MGST1: variants seen among roughly 807,000 people sequenced by gnomAD.
The protein encoded by MGST1 is microsomal glutathione S-transferase 1, also known as glutathione S-transferase 12.
MGST1 carries 5 observed loss-of-function variants against 8.9 expected under a neutral mutation model. The ratio of observed to expected loss-of-function variants is 0.56; its 90% CI spans 0.29 to 1.19. MGST1 has a LOEUF of 1.19. MGST1 is among the 50% of genes most tolerant of loss of function. The pLI is 0.08. For missense variants in MGST1, 182 were observed against 187.4 expected (o/e 0.97, Z 0.17); for synonymous variants, 54 against 67.8 (o/e 0.80, Z 1.00).
At chr12:16,412,639 C>T (rs1391807265) in intron 1 of MGST1, among the ~76,000 whole-genome samples, 2 of 151,978 alleles carry the variant, frequency 1.3e-5, no homozygotes, top group Non-Finnish European at 2.9e-5. Flanking sequence ...TGAGTTTTTT[C>T]CATGCTGTTC....
At chr12:16,542,678 A>C (rs945891584) in intron 4 of MGST1, among the ~76,000 whole-genome samples, 26 of 151,916 alleles carry the variant, frequency 1.7e-4, no homozygotes, top group Middle Eastern at 6.8e-3. Context: ...TAGATGCTTA[A>C]CTCTTTCTTT....
At chr12:16,446,171 T>G (rs1941078238) in intron 4 of MGST1, among the ~76,000 whole-genome samples, 1 of 151,940 alleles carries the variant, frequency 6.6e-6, no homozygotes, top group Non-Finnish European at 1.5e-5. Flanking sequence ...AATATCACTA[T>G]CGAATTAGTG....
At chr12:16,479,375 C>T (rs1164518606) in intron 4 of MGST1, among the ~76,000 whole-genome samples, 1 of 150,700 alleles carries the variant, frequency 6.6e-6, no homozygotes, top group South Asian at 2.1e-4. Context: ...GCTGGGACTA[C>T]AGGTGCCCGC....
At chr12:16,472,439 T>G (rs1246685264) in intron 4 of MGST1, among the ~76,000 whole-genome samples, 2 of 151,966 alleles carry the variant, frequency 1.3e-5, no homozygotes. Flanking sequence ...TTCTGTTTTT[T>G]TTTTTTTTTT....
intron 1 of MGST1, among the ~76,000 whole-genome samples, chr12:16,388,168 A>G (rs1324892687): frequency 6.6e-6 from 1 of 151,936 alleles, no homozygotes; most frequent in Non-Finnish European, 1.5e-5. Flanking sequence ...AACTGCAATT[A>G]CTTTTGCACC....
intron 1 of MGST1, among the ~76,000 whole-genome samples, chr12:16,421,085 C>G (rs1406822902): frequency 1.3e-5 from 2 of 152,092 alleles, no homozygotes; most frequent in African/African-American, 4.8e-5. Flanking sequence ...CTCTTTTGAT[C>G]TAGATTACTT....
At chr12:16,487,274 A>G (rs1314187179) in intron 4 of MGST1, among the ~76,000 whole-genome samples, 1 of 152,256 alleles carries the variant, frequency 6.6e-6, no homozygotes, top group Non-Finnish European at 1.5e-5. Flanking sequence ...TGCAAAACAA[A>G]CAAAAAACCA....
intron 4 of MGST1, among the ~76,000 whole-genome samples, chr12:16,533,886 G>A (rs562539902): frequency 9.2e-5 from 14 of 152,214 alleles, no homozygotes; most frequent in African/African-American, 2.2e-4. Context: ...AATGTTTGCC[G>A]GGAAGAGAAA....
At chr12:16,409,665 A>G (rs188619436) in intron 1 of MGST1, among the ~76,000 whole-genome samples, 72 of 152,286 alleles carry the variant, frequency 4.7e-4, no homozygotes, top group Admixed American at 2.4e-3. Flanking sequence ...CCTTTGCAGA[A>G]CAATATCCTG....
At chr12:16,551,201 T>G (rs1941977820) in intron 4 of MGST1, 1 of 1,416,132 alleles carries the variant, frequency 7.1e-7, no homozygotes, top group Admixed American at 1.7e-5. Flanking sequence ...TTTGTATTCT[T>G]AATGGGGTGA....
chr12:16,433,234 C>T (rs1389534782), intron 1 of MGST1, among the ~76,000 whole-genome samples: 1 of 152,044 alleles, frequency 6.6e-6, no homozygotes, highest in African/African-American at 2.4e-5. Context: ...GCTTTCTATT[C>T]TGGTTGTGCT....
chr12:16,565,983 CATATATATATATATATAT>C (rs61358392), intron 4 of MGST1, among the ~76,000 whole-genome samples: 581 of 43,822 alleles, frequency 0.013, 9 homozygotes, highest in Middle Eastern at 0.022. Flanking sequence ...GAAAATGTGC[CATATATATATATATATAT>C]ATATATATAT....
At chr12:16,395,961 A>G (rs535235155) in intron 1 of MGST1, among the ~76,000 whole-genome samples, 1 of 152,078 alleles carries the variant, frequency 6.6e-6, no homozygotes, top group South Asian at 2.1e-4. Flanking sequence ...TCCTCTGCGT[A>G]GACACCCAGT....
downstream of MGST1, chr12:16,377,224 C>T (rs1217285874): frequency 1.3e-5 from 2 of 151,476 alleles, no homozygotes; most frequent in African/African-American, 2.4e-5. Context: ...TATACATGTG[C>T]CATGTTGGTG....
intron 4 of MGST1, among the ~76,000 whole-genome samples, chr12:16,565,451 T>C (rs1469588052): frequency 6.6e-6 from 1 of 152,204 alleles, no homozygotes; most frequent in Non-Finnish European, 1.5e-5. Flanking sequence ...AGTTAGCCCA[T>C]TACAGGCTGT....
At chr12:16,516,617 A>G (rs1941617258) in intron 4 of MGST1, among the ~76,000 whole-genome samples, 1 of 152,200 alleles carries the variant, frequency 6.6e-6, no homozygotes, top group Admixed American at 6.5e-5. Flanking sequence ...GGCCCACATC[A>G]CGAATCTTGA....
chr12:16,431,248 C>T (rs778598514), intron 1 of MGST1, among the ~76,000 whole-genome samples: 1 of 152,184 alleles, frequency 6.6e-6, no homozygotes, highest in Non-Finnish European at 1.5e-5. Context: ...AAAACTTTCT[C>T]CATATCAGCA....
chr12:16,367,998 A>T (rs1940223755), downstream of MGST1, among the ~76,000 whole-genome samples: 1 of 138,952 alleles, frequency 7.2e-6, no homozygotes, highest in Admixed American at 7.6e-5. Flanking sequence ...TACTTCTTGG[A>T]TCTAACCAAT....
chr12:16,374,202 C>G (rs1247445156), intron 3 of MGST1, among the ~76,000 whole-genome samples: 1 of 151,884 alleles, frequency 6.6e-6, no homozygotes, highest in African/African-American at 2.4e-5. Flanking sequence ...TATGCTATGG[C>G]CAAATGAAAC....
Sources: allele counts gnomAD v4.1 joint callset (sites outside exome capture counted in the v4.1 genomes callset), GRCh38; gene constraint gnomAD v4.1.1; transcripts MANE v1.5; gene names NCBI Gene and HGNC (gene_info 2026-07-23, HGNC 2026-07-21).